The following PHF24 variants were observed in gnomAD, a reference collection of about 807,000 sequenced individuals.
PHF24 encodes Galpha inhibitory interacting protein.
In PHF24, 25 loss-of-function variants were observed where a neutral mutation model predicts 42.6. That is an observed-to-expected ratio of 0.59 (90% CI 0.43 to 0.82). The LOEUF is 0.82. Ranked by LOEUF, PHF24 falls within the 40% of genes least tolerant of loss-of-function variation. PHF24 has a pLI of 0.00. For missense variants in PHF24, 470 were observed against 538.1 expected, an observed-to-expected ratio of 0.87 and a Z score of 1.25; for synonymous variants, 185 against 204.8, an observed-to-expected ratio of 0.90 and a Z score of 0.83.
exon 8 of PHF24, chr9:34,980,645 T>C (rs1827357691): frequency 6.6e-6 from 1 of 152,242 alleles, no homozygotes; most frequent in Non-Finnish European, 1.5e-5. Context: ...CTGCGGTATG[T>C]ATAGAGTTGT....
chr9:34,972,049 G>T (rs915599484), intron 2 of PHF24, among the ~76,000 whole-genome samples: 4 of 152,198 alleles, frequency 2.6e-5, no homozygotes, highest in Non-Finnish European at 4.4e-5. Context: ...ACCAAGAAAA[G>T]CAGGGATGAT....
intron 2 of PHF24, 26 bp from the exon 3 acceptor site, chr9:34,972,320 T>G: frequency 6.3e-7 from 1 of 1,581,402 alleles, no homozygotes; most frequent in Non-Finnish European, 8.6e-7. Context: ...TACACATCCC[T>G]GTTTCCTCCT....
At chr9:34,806,851 T>G in the PHF24 span, among the ~76,000 whole-genome samples, 6 of 152,248 alleles carry the variant, frequency 3.9e-5, no homozygotes, top group Non-Finnish European at 7.3e-5. Context: ...TTTTGTATGG[T>G]TCATTCAAGT....
the PHF24 span, among the ~76,000 whole-genome samples, chr9:34,904,964 A>G: frequency 6.6e-6 from 1 of 151,756 alleles, no homozygotes; most frequent in Non-Finnish European, 1.5e-5. Flanking sequence ...TAGAACTTGC[A>G]ATGTAAATAG....
chr9:34,935,478 C>T, the PHF24 span, among the ~76,000 whole-genome samples: 3 of 151,778 alleles, frequency 2.0e-5, no homozygotes, highest in South Asian at 2.1e-4. Flanking sequence ...CCTGTAGTCC[C>T]AGCTATTTGG....
the PHF24 span, chr9:34,837,802 A>G: frequency 1.3e-6 from 1 of 761,020 alleles, no homozygotes; most frequent in Non-Finnish European, 2.2e-6. Flanking sequence ...CTATATATCT[A>G]TCTGTATTTT....
chr9:34,693,151 C>A, the PHF24 span, among the ~76,000 whole-genome samples: 5 of 152,208 alleles, frequency 3.3e-5, no homozygotes, highest in African/African-American at 1.2e-4. Flanking sequence ...ATCCACCCCT[C>A]TTTCCATTGA....
chr9:34,700,714 G>A, the PHF24 span, among the ~76,000 whole-genome samples: 5 of 152,132 alleles, frequency 3.3e-5, no homozygotes, highest in Non-Finnish European at 7.3e-5. Flanking sequence ...AAAGGTATGA[G>A]ACAATGAGGT....
the PHF24 span, among the ~76,000 whole-genome samples, chr9:34,911,740 T>C: frequency 2.0e-5 from 3 of 151,758 alleles, no homozygotes; most frequent in Non-Finnish European, 4.4e-5. Flanking sequence ...CCAGCCCATG[T>C]CTAGCCAAGT....
chr9:34,764,181 C>A, the PHF24 span, among the ~76,000 whole-genome samples: 5 of 152,146 alleles, frequency 3.3e-5, no homozygotes, highest in African/African-American at 9.7e-5. Flanking sequence ...TGTCTCTGCC[C>A]GGCTTTGGTA....
the PHF24 span, chr9:34,894,537 C>A: frequency 0.017 from 6,663 of 398,524 alleles, 359 homozygotes; most frequent in African/African-American, 0.12. Context: ...TTATGTGGAA[C>A]TGGAGAGGAT....
At chr9:34,855,936 A>G in the PHF24 span, among the ~76,000 whole-genome samples, 1 of 152,152 alleles carries the variant, frequency 6.6e-6, no homozygotes, top group African/African-American at 2.4e-5. Flanking sequence ...GTCTTTTTAC[A>G]TAATCCCATA....
chr9:34,793,935 G>A, the PHF24 span, among the ~76,000 whole-genome samples: 7 of 151,536 alleles, frequency 4.6e-5, no homozygotes, highest in Admixed American at 3.3e-4. Context: ...GCTTGGTCCC[G>A]ATGGAATCAT....
chr9:34,904,932 C>T, the PHF24 span, among the ~76,000 whole-genome samples: 1 of 151,722 alleles, frequency 6.6e-6, no homozygotes, highest in Admixed American at 6.6e-5. Flanking sequence ...ATTACACATT[C>T]ATCAGACACT....
At chr9:34,758,937 T>C in the PHF24 span, among the ~76,000 whole-genome samples, 1 of 151,824 alleles carries the variant, frequency 6.6e-6, no homozygotes, top group Non-Finnish European at 1.5e-5. The surrounding 1 kb of genome is among the most constrained non-coding windows in gnomAD (Gnocchi z 4.4). Flanking sequence ...GCGAGGGAGG[T>C]GGGGCTTCAG....
the PHF24 span, among the ~76,000 whole-genome samples, chr9:34,669,716 C>T: frequency 2.0e-5 from 3 of 152,058 alleles, no homozygotes; most frequent in Non-Finnish European, 4.4e-5. Flanking sequence ...ACTTCCTTCC[C>T]TAATGGTGTG....
At chr9:34,670,259 A>T in the PHF24 span, among the ~76,000 whole-genome samples, 274 of 152,316 alleles carry the variant, frequency 1.8e-3, 2 homozygotes, top group African/African-American at 6.3e-3. Context: ...CTAGCAAATT[A>T]TCAAAACTGA....
the PHF24 span, among the ~76,000 whole-genome samples, chr9:34,705,672 A>G: frequency 1.3e-5 from 2 of 152,360 alleles, no homozygotes; most frequent in African/African-American, 4.8e-5. Context: ...AAGGCATGTA[A>G]TTAATTTTCC....
chr9:34,951,408 G>C, the PHF24 span, among the ~76,000 whole-genome samples: 3 of 152,306 alleles, frequency 2.0e-5, 1 homozygote, highest in Admixed American at 2.0e-4. Context: ...TATACAGTGG[G>C]CTCTATAATC....
Sources: gnomAD v4.1 joint callset for allele counts (sites outside exome capture counted in the v4.1 genomes callset) on GRCh38, gnomAD v4.1.1 for gene constraint, Gnocchi (gnomAD v3.1) non-coding constraint, MANE v1.5 for transcripts, NCBI Gene and HGNC (gene_info 2026-07-23, HGNC 2026-07-21) for gene names.